The following LSM8 variants were observed in gnomAD, a reference collection of about 807,000 sequenced individuals.
LSM8 encodes the protein LSM8 U6 small nuclear RNA associated.
In LSM8, 14 loss-of-function variants were observed where a neutral mutation model predicts 15.0. That is an observed-to-expected ratio of 0.93 (90% CI 0.62 to 1.46). The LOEUF is 1.46. Ranked by LOEUF, LSM8 falls within the 40% of genes most tolerant of loss-of-function variation. The probability of loss-of-function intolerance (pLI) is 0.00; values close to 1 mark genes in which losing one functional copy is unlikely to be tolerated. For missense variants in LSM8, 90 were observed against 115.4 expected (o/e 0.78, Z 1.01); for synonymous variants, 50 against 42.1 (o/e 1.19, Z -0.73).
At position 118,199,766 on chromosome 7, in the gene LSM8, C is replaced by CT. The variant is rs1784024168; in HGVS notation, c.*7765dup. 1.3e-5 allele frequency among the ~76,000 whole-genome samples: 2 copies of CT among 151,998 alleles called. No individual in the cohort carries two copies. Among genetic ancestry groups the CT allele is most frequent in the Non-Finnish European group, 2.9e-5 (2 of 67,982 alleles). On this transcript the variant is annotated 3_prime_UTR_variant, in exon 4 of 4. Coordinates refer to ENST00000249299, the MANE Select transcript of LSM8 (RefSeq NM_016200.5). Reference sequence around the variant, plus strand: ...AAATTCAAGTGTAGGGTAAGGCCACCTCCCCAGCAAGTAAATACTGACATG... The same window carrying CT: ...AAATTCAAGTGTAGGGTAAGGCCACCTTCCCCAGCAAGTAAATACTGACATG...
chr7:118,198,370 A>G lies in LSM8; in HGVS notation c.*6368A>G, dbSNP rs1244260302. Among the ~76,000 whole-genome samples, 5 of 152,212 alleles carry G rather than the reference A, an allele frequency of 3.3e-5. No homozygotes were observed. The highest frequency in any genetic ancestry group is 5.9e-5 in the Non-Finnish European group (4 of 68,046). ...AACCAAATATTCTATGAAGATTGGA[A>G]GGATAATTTTAGGTCAAATGAAATT... is the stretch of plus-strand genomic sequence containing the variant. On this transcript the variant is annotated 3_prime_UTR_variant, in exon 4 of 4. Transcript: ENST00000249299.
Position 118,193,671 on chromosome 7 carries a change from CTG to C in LSM8, c.*1672_*1673del, listed in dbSNP as rs948439937. ...TAAGGCAAACAGGCAAATTTAGGGA[CTG>C]TGAATGAAATATTGTAGTATATGGC... On this transcript the variant is annotated 3_prime_UTR_variant, in exon 4 of 4. Coordinates refer to ENST00000249299, the MANE Select transcript of LSM8 (RefSeq NM_016200.5). Among the ~76,000 whole-genome samples the C allele has an allele frequency of 1.3e-5, 2 of 151,936 alleles. No homozygotes were observed. The highest frequency in any genetic ancestry group is 2.9e-5 in the Non-Finnish European group (2 of 67,944).
At position 118,184,170 on chromosome 7, in the gene LSM8, G is replaced by T; in HGVS notation, c.-54G>T. ...TGCCGGGTTCTGGCGCGCCCTTTCA[G>T]TTCTGCTTGCTGTCGGCACCGCTGC... On this transcript the variant is annotated 5_prime_UTR_variant, in exon 1 of 4. Transcript: ENST00000249299. The T allele has an allele frequency of 2.6e-6, 4 of 1,543,962 alleles. No homozygotes were observed. The highest frequency in any genetic ancestry group is 3.5e-6 in the Non-Finnish European group (4 of 1,143,766).
At chr7:118,185,732 G>C in intron 2 of LSM8, 38 bp downstream of exon 2, 1 of 1,577,634 alleles carries the variant, frequency 6.3e-7, no homozygotes, top group South Asian at 1.1e-5. Context: ...CTTTCCTGTA[G>C]GTTTATTGGT....
In LSM8 at chr7:118,184,185, G is replaced by T. The variant is rs2896242; in HGVS notation, c.-39G>T. 6 of 1,542,866 alleles carry T rather than the reference G, an allele frequency of 3.9e-6. No individual in the cohort carries two copies. Among genetic ancestry groups the T allele is most frequent in the Non-Finnish European group, 5.2e-6 (6 of 1,143,062 alleles). ...CGCCCTTTCAGTTCTGCTTGCTGTC[G>T]GCACCGCTGCGTTACCCGGAACCGC... On this transcript the variant is annotated 5_prime_UTR_variant, in exon 1 of 4. Transcript: ENST00000249299.
chr7:118,187,814 G>C (rs1761770583), intron 2 of LSM8, among the ~76,000 whole-genome samples: 1 of 152,154 alleles, frequency 6.6e-6, no homozygotes, highest in Admixed American at 6.5e-5. Context: ...GAGAAAATGT[G>C]TACAGTGTGT....
At chr7:118,190,235 T>C (rs1417827996) in intron 3 of LSM8, 1 of 152,152 alleles carries the variant, frequency 6.6e-6, no homozygotes, top group African/African-American at 2.4e-5. Flanking sequence ...GAGATGACTT[T>C]TAGGTGGAGT....
chr7:118,199,540 A>C lies in LSM8; in HGVS notation c.*7538A>C, dbSNP rs1809136182. The stretch of plus-strand genomic sequence containing the variant: ...AAAGGCTGGAAGTACAGAGTTTCAA[A>C]AGATGTACATAAATTTATGGAAAGG... On this transcript the variant is annotated 3_prime_UTR_variant, in exon 4 of 4. Coordinates refer to ENST00000249299, the MANE Select transcript of LSM8 (RefSeq NM_016200.5). Among the ~76,000 whole-genome samples, 1 of 152,178 alleles carries C rather than the reference A, an allele frequency of 6.6e-6. No homozygotes were observed. The highest frequency in any genetic ancestry group is 1.5e-5 in the Non-Finnish European group (1 of 68,024).
chr7:118,186,337 T>C (rs1051160702), intron 2 of LSM8, among the ~76,000 whole-genome samples: 16 of 152,344 alleles, frequency 1.1e-4, no homozygotes, highest in Admixed American at 5.9e-4. Context: ...TTTCTTCACT[T>C]ACAATTCATA....
rs1013923854 is a variant in LSM8 at position 118,184,273 on chromosome 7, C to T, written c.31+19C>T. 3 of 1,479,738 alleles carry T rather than the reference C, an allele frequency of 2.0e-6. No homozygotes were observed. Among genetic ancestry groups the T allele is most frequent in the African/African-American group, 1.5e-5 (1 of 68,880 alleles). 91.7% of individuals were successfully genotyped at this position (1,479,738 alleles called of 1,614,324 possible). On this transcript the variant is annotated intron_variant, in intron 1 of 3. Transcript: ENST00000249299. The stretch of plus-strand genomic sequence containing the variant: ...ATCAACCGTATCCTCAAGCTGGCCG[C>T]CGCGGGCGTGAGCCGGGGTCGCGGA...
chr7:118,189,218 C>G (rs919469116), intron 3 of LSM8: 3 of 149,904 alleles, frequency 2.0e-5, no homozygotes, highest in Admixed American at 6.6e-5. Flanking sequence ...CGAGATCACC[C>G]TACTGCACTC....
At position 118,193,653 on chromosome 7, in the gene LSM8, A is replaced by G. The variant is rs1809026234; in HGVS notation, c.*1651A>G. 6.6e-6 allele frequency among the ~76,000 whole-genome samples: 1 copy of G among 152,136 alleles called. No individual in the cohort carries two copies. On this transcript the variant is annotated 3_prime_UTR_variant, in exon 4 of 4. Transcript: ENST00000249299. ...AAAATGATGGAAAGTGGGTAAGGCAAACAGGCAAATTTAGGGACTGTGAAT... is the reference window on the plus strand; with the variant it reads ...AAAATGATGGAAAGTGGGTAAGGCAGACAGGCAAATTTAGGGACTGTGAAT...
chr7:118,189,416 G>T (rs933339838), intron 3 of LSM8: 1 of 152,260 alleles, frequency 6.6e-6, no homozygotes, highest in African/African-American at 2.4e-5. Flanking sequence ...AGCCAGGCGT[G>T]GTGGCGCAAG....
Position 118,203,981 on chromosome 7 carries a change from T to C in LSM8, c.*11979T>C, listed in dbSNP as rs887822358. ...CAATGATTTGTAAATTTTAATACTA[T>C]AGATATATTGCTGTTAATTATTACA... On this transcript the variant is annotated 3_prime_UTR_variant, in exon 4 of 4. Coordinates refer to ENST00000249299, the MANE Select transcript of LSM8 (RefSeq NM_016200.5). 2.0e-5 allele frequency among the ~76,000 whole-genome samples: 3 copies of C among 151,792 alleles called. No individual in the cohort carries two copies. Among genetic ancestry groups the C allele is most frequent in the Non-Finnish European group, 3.0e-5 (2 of 67,774 alleles).
chr7:118,201,339 T>C lies in LSM8; in HGVS notation c.*9337T>C, dbSNP rs1809170687. Among the ~76,000 whole-genome samples, 1 of 152,036 alleles carries C rather than the reference T, an allele frequency of 6.6e-6. No homozygotes were observed. Among genetic ancestry groups the C allele is most frequent in the African/African-American group, 2.4e-5 (1 of 41,434 alleles). Reference sequence around the variant, plus strand: ...CATGTAGAGAGAGTCTCCTAGTTGATACCAACTCAGGAAAGCAGAATCAAG... The same window carrying C: ...CATGTAGAGAGAGTCTCCTAGTTGACACCAACTCAGGAAAGCAGAATCAAG... On this transcript the variant is annotated 3_prime_UTR_variant, in exon 4 of 4. Coordinates refer to ENST00000249299, the MANE Select transcript of LSM8 (RefSeq NM_016200.5).
chr7:118,198,744 G>A lies in LSM8; in HGVS notation c.*6742G>A, dbSNP rs1261364676. On this transcript the variant is annotated 3_prime_UTR_variant, in exon 4 of 4. Coordinates refer to ENST00000249299, the MANE Select transcript of LSM8 (RefSeq NM_016200.5). Reference sequence around the variant, plus strand: ...TAGACTGACCTCTCTGTACAGTAAAGGCTCAAATCCTTTTTATTGCAAAGA... The same window carrying A: ...TAGACTGACCTCTCTGTACAGTAAAAGCTCAAATCCTTTTTATTGCAAAGA... Among the ~76,000 whole-genome samples the A allele has an allele frequency of 6.6e-6, 1 of 152,152 alleles. No homozygotes were observed. Among genetic ancestry groups the A allele is most frequent in the Non-Finnish European group, 1.5e-5 (1 of 68,020 alleles).
chr7:118,189,767 A>G (rs1432263729), intron 3 of LSM8: 3 of 151,990 alleles, frequency 2.0e-5, no homozygotes, highest in African/African-American at 7.3e-5. Context: ...AGGCTGAGGC[A>G]GAAGAATTTC....
rs1472412727 is a variant in LSM8 at position 118,200,479 on chromosome 7, C to T, written c.*8477C>T. On this transcript the variant is annotated 3_prime_UTR_variant, in exon 4 of 4. Coordinates refer to ENST00000249299, the MANE Select transcript of LSM8 (RefSeq NM_016200.5). ...AATCTTAATTACCATTAGGTTGGAA[C>T]TCTACCTGAACTAAAAATAAGTGGT... 6.6e-6 allele frequency among the ~76,000 whole-genome samples: 1 copy of T among 152,118 alleles called. No individual in the cohort carries two copies. The highest frequency in any genetic ancestry group is 2.4e-5 in the African/African-American group (1 of 41,440).
rs1809203964 is a variant in LSM8, at chr7:118,203,705, C to A, written c.*11703C>A. Among the ~76,000 whole-genome samples, 1 of 151,858 alleles carries A rather than the reference C, an allele frequency of 6.6e-6. No homozygotes were observed. Among genetic ancestry groups the A allele is most frequent in the South Asian group, 2.1e-4 (1 of 4,812 alleles). On this transcript the variant is annotated 3_prime_UTR_variant, in exon 4 of 4. Coordinates refer to ENST00000249299, the MANE Select transcript of LSM8 (RefSeq NM_016200.5). ...CTCTAATGGAAAAATCATCAAGATTCTCTTCCTTTTTATGATTCTATAGTA... is the reference window on the plus strand; with the variant it reads ...CTCTAATGGAAAAATCATCAAGATTATCTTCCTTTTTATGATTCTATAGTA...
Sources: gnomAD v4.1 joint callset for allele counts (sites outside exome capture counted in the v4.1 genomes callset) on GRCh38, gnomAD v4.1.1 for gene constraint, MANE v1.5 for transcripts, NCBI Gene and HGNC (gene_info 2026-07-23, HGNC 2026-07-21) for gene names.